Variants in ST8SIA6 observed in about 807,000 individuals in gnomAD.
ST8SIA6 encodes ST8 alpha-N-acetyl-neuraminide alpha-2,8-sialyltransferase 6.
Under a neutral mutation model 33.6 loss-of-function variants are expected in ST8SIA6, and 39 were observed. The observed-to-expected ratio is 1.16, with a 90% CI of 0.90 to 1.52. The LOEUF is 1.52. ST8SIA6 is among the 40% of genes most tolerant of loss of function. The pLI is 0.00. For missense variants in ST8SIA6, 441 were observed against 443.8 expected (o/e 0.99, Z 0.06); for synonymous variants, 172 against 167.2 (o/e 1.03, Z -0.22).
intron 2 of ST8SIA6, among the ~76,000 whole-genome samples, chr10:17,394,773 T>C (rs1293052301): frequency 6.6e-6 from 1 of 152,184 alleles, no homozygotes; most frequent in African/African-American, 2.4e-5. Flanking sequence ...ACACCACAAG[T>C]GAAGACGTTG....
At chr10:17,434,754 C>G (rs12268180) in intron 2 of ST8SIA6, among the ~76,000 whole-genome samples, 2 of 151,814 alleles carry the variant, frequency 1.3e-5, no homozygotes, top group African/African-American at 2.4e-5. Context: ...CACACACACA[C>G]GGGAAAGGAA....
chr10:17,437,150 T>C (rs1852293192), intron 2 of ST8SIA6, among the ~76,000 whole-genome samples: 1 of 152,028 alleles, frequency 6.6e-6, no homozygotes, highest in African/African-American at 2.4e-5. Context: ...TCTCTCTCTC[T>C]CTCTCATACG....
At chr10:17,337,071 T>TC (rs1405289547) in intron 4 of ST8SIA6, among the ~76,000 whole-genome samples, 4 of 152,062 alleles carry the variant, frequency 2.6e-5, no homozygotes, top group Non-Finnish European at 5.9e-5. Context: ...GGGGTGGATT[T>TC]CCCCCTAGCT....
At chr10:17,397,796 C>T (rs1205867115) in intron 2 of ST8SIA6, among the ~76,000 whole-genome samples, 1 of 152,042 alleles carries the variant, frequency 6.6e-6, no homozygotes, top group African/African-American at 2.4e-5. Flanking sequence ...GGCATGTTTT[C>T]ATCACTTCAG....
intron 2 of ST8SIA6, among the ~76,000 whole-genome samples, chr10:17,444,735 A>G (rs1852640458): frequency 6.6e-6 from 1 of 152,210 alleles, no homozygotes; most frequent in South Asian, 2.1e-4. Context: ...TCAACCTGGG[A>G]AGCAAATGTG....
chr10:17,356,934 T>A (rs895761493), intron 4 of ST8SIA6, among the ~76,000 whole-genome samples: 10 of 152,140 alleles, frequency 6.6e-5, no homozygotes, highest in African/African-American at 2.2e-4. Flanking sequence ...ACAAAAGATT[T>A]ACAGATAATA....
At chr10:17,410,216 G>A (rs1166339243) in intron 2 of ST8SIA6, 1 of 152,134 alleles carries the variant, frequency 6.6e-6, no homozygotes, top group African/African-American at 2.4e-5. Flanking sequence ...CAGAAATCAT[G>A]CCCAAACATT....
intron 4 of ST8SIA6, among the ~76,000 whole-genome samples, chr10:17,341,193 G>A (rs1470005187): frequency 6.6e-6 from 1 of 152,156 alleles, no homozygotes; most frequent in Non-Finnish European, 1.5e-5. Context: ...TGGCTACAAA[G>A]GGAAGACAGA....
At chr10:17,403,075 C>T (rs747818975) in intron 2 of ST8SIA6, among the ~76,000 whole-genome samples, 3 of 152,172 alleles carry the variant, frequency 2.0e-5, no homozygotes, top group Non-Finnish European at 2.9e-5. Flanking sequence ...GAATGAACCT[C>T]ACAGACTCAC....
Position 17,344,331 on chromosome 10 carries a change from A to G in ST8SIA6, c.378-12779T>C, listed in dbSNP as rs1433026287. On this transcript the variant is annotated intron_variant, in intron 4 of 7. Transcript: ENST00000377602. ...TAAAGAAAGGAGGTTTAATGGATTC[A>G]CAGTTCCACGTGGCTGGGGAGGCCT... is the stretch of plus-strand genomic sequence containing the variant. 3.9e-5 allele frequency among the ~76,000 whole-genome samples: 6 copies of G among 152,352 alleles called. No homozygotes were observed. The Middle Eastern group carries it at 0.01, about 259-fold the overall frequency.
Position 17,321,276 on chromosome 10 carries a change from G to GA in ST8SIA6, c.798dup (p.Leu267SerfsTer25), listed in dbSNP as rs779358316. 5 of 1,612,932 alleles carry GA rather than the reference G, an allele frequency of 3.1e-6. No homozygotes were observed. Among genetic ancestry groups the GA allele is most frequent in the South Asian group, 2.2e-5 (2 of 90,940 alleles). ...GCCCTGAAGGAAAATGCTGGCAGAA[G>GA]AAAAAATGCATCTCCATAGGTTGCA... On this transcript the variant is annotated frameshift_variant, in exon 8 of 8. Coordinates refer to ENST00000377602, the MANE Select transcript of ST8SIA6 (RefSeq NM_001004470.3). LOFTEE classifies it low-confidence loss of function (END_TRUNC).
chr10:17,354,521 A>G (rs559065486), intron 4 of ST8SIA6, among the ~76,000 whole-genome samples: 68 of 152,338 alleles, frequency 4.5e-4, no homozygotes, highest in Middle Eastern at 3.4e-3. Context: ...GAAATTAGAT[A>G]CCAAGAAAGA....
chr10:17,344,637 C>T (rs1244811280), intron 4 of ST8SIA6, among the ~76,000 whole-genome samples: 2 of 152,228 alleles, frequency 1.3e-5, no homozygotes, highest in South Asian at 2.1e-4. Context: ...ATCTGTCCTT[C>T]GTGGGAAAAT....
chr10:17,453,351 C>G (rs1174706615), intron 2 of ST8SIA6, among the ~76,000 whole-genome samples: 2 of 152,084 alleles, frequency 1.3e-5, no homozygotes, highest in Non-Finnish European at 2.9e-5. Flanking sequence ...GATTCAAAGA[C>G]CATTCACATC....
At chr10:17,408,342 A>G (rs1248202606) in intron 2 of ST8SIA6, 1 of 152,448 alleles carries the variant, frequency 6.6e-6, no homozygotes, top group Admixed American at 6.5e-5. Context: ...TTCTCAACCA[A>G]AAAAAGAAGT....
chr10:17,375,810 G>C (rs532053514), intron 3 of ST8SIA6, among the ~76,000 whole-genome samples: 1 of 152,144 alleles, frequency 6.6e-6, no homozygotes, highest in Non-Finnish European at 1.5e-5. Context: ...CTTACTAGAG[G>C]ATCTATTTAA....
chr10:17,360,879 G>A lies in ST8SIA6; in HGVS notation c.291-1279C>T, dbSNP rs1289231062. ...TTAAAAGGCAAAAAATTTCAAACTG[G>A]GAGAAGAAAGAAGATGACGAAGAAG... On this transcript the variant is annotated intron_variant, in intron 3 of 7. Transcript: ENST00000377602. Among the ~76,000 whole-genome samples, 8 of 150,478 alleles carry A rather than the reference G, an allele frequency of 5.3e-5. No homozygotes were observed. The Admixed American group carries it at 5.3e-4, about 10-fold the overall frequency.
intron 2 of ST8SIA6, among the ~76,000 whole-genome samples, chr10:17,402,466 A>G (rs1024940412): frequency 6.6e-6 from 1 of 152,236 alleles, no homozygotes; most frequent in Non-Finnish European, 1.5e-5. Context: ...GCTGCTATAA[A>G]GACACATGCA....
chr10:17,430,047 C>A (rs2131720287), intron 2 of ST8SIA6, among the ~76,000 whole-genome samples: 1 of 152,226 alleles, frequency 6.6e-6, no homozygotes, highest in South Asian at 2.1e-4. Context: ...CCCTAGCCCT[C>A]CTCCCATCTT....
Sources: allele counts gnomAD v4.1 joint callset (sites outside exome capture counted in the v4.1 genomes callset), GRCh38; gene constraint gnomAD v4.1.1; transcripts MANE v1.5; gene names NCBI Gene and HGNC (gene_info 2026-07-23, HGNC 2026-07-21).